Variants in LRRC7 observed in about 807,000 individuals in gnomAD.
LRRC7 encodes the protein leucine rich repeat containing 7.
A neutral mutation model predicts 175.7 loss-of-function variants in LRRC7; 23 were observed. The ratio of observed to expected loss-of-function variants is 0.13; its 90% CI spans 0.09 to 0.19. LRRC7 has a LOEUF of 0.19. Ranked by LOEUF, LRRC7 falls within the 10% of genes least tolerant of loss-of-function variation. LRRC7 has a pLI of 1.00. For synonymous variants in LRRC7, 685 were observed against 680.9 expected, an observed-to-expected ratio of 1.01 and a Z score of -0.09; for missense variants, 1,354 against 1,904.7, an observed-to-expected ratio of 0.71 and a Z score of 5.38.
rs112191329 is a variant in LRRC7, at chr1:69,891,738, G to GA, written c.648-39760dup. The stretch of plus-strand genomic sequence containing the variant: ...CAGAGTAAGACTTTGTCTCAAAAAC[G>GA]AAAAAAAAATCACTGATTATAAATA... On this transcript the variant is annotated intron_variant, in intron 7 of 26. Coordinates refer to ENST00000651989, the MANE Select transcript of LRRC7 (RefSeq NM_001370785.2). Among the ~76,000 whole-genome samples, 277 of 149,536 alleles carry GA rather than the reference G, an allele frequency of 1.9e-3. 3 individuals are homozygous for GA. Among genetic ancestry groups the GA allele is most frequent in the Middle Eastern group, 0.014 (4 of 290 alleles).
At chr1:69,633,518 T>A (rs1484566239) in intron 1 of LRRC7, among the ~76,000 whole-genome samples, 1 of 152,134 alleles carries the variant, frequency 6.6e-6, no homozygotes, top group Non-Finnish European at 1.5e-5. Context: ...AACCTCTGCC[T>A]CCCAGGTTCA....
intron 3 of LRRC7, among the ~76,000 whole-genome samples, chr1:69,770,401 G>T (rs1355911277): frequency 6.6e-6 from 1 of 152,046 alleles, no homozygotes; most frequent in African/African-American, 2.4e-5. Context: ...TATTTATTTT[G>T]TGTGAGGTCT....
chr1:69,829,308 TG>T (rs1480045117), intron 5 of LRRC7, among the ~76,000 whole-genome samples: 3 of 151,896 alleles, frequency 2.0e-5, no homozygotes, highest in African/African-American at 7.2e-5. Context: ...TATGAGTGTC[TG>T]GGTCTATTGT....
intron 7 of LRRC7, among the ~76,000 whole-genome samples, chr1:69,878,276 G>A (rs369901636): frequency 3.9e-3 from 486 of 123,444 alleles, no homozygotes; most frequent in Middle Eastern, 4.4e-3. Flanking sequence ...CCTTATCTTA[G>A]AAAAAAAAAA....
At chr1:70,042,478 AACAG>A (rs1659996142) in intron 21 of LRRC7, among the ~76,000 whole-genome samples, 2 of 152,246 alleles carry the variant, frequency 1.3e-5, no homozygotes, top group Non-Finnish European at 2.9e-5. Context: ...GGATAAGCAT[AACAG>A]TTCAACATAA....
At chr1:70,090,039 TA>T (rs1227487809) in intron 25 of LRRC7, among the ~76,000 whole-genome samples, 1 of 152,172 alleles carries the variant, frequency 6.6e-6, no homozygotes, top group Admixed American at 6.6e-5. Context: ...ACATTCTATT[TA>T]AAAGGCAGAG....
intron 1 of LRRC7, among the ~76,000 whole-genome samples, chr1:69,634,890 T>A (rs1653082451): frequency 6.6e-6 from 1 of 152,038 alleles, no homozygotes; most frequent in African/African-American, 2.4e-5. Flanking sequence ...AGCGGAAAAT[T>A]GAGAAGTGAG....
intron 7 of LRRC7, among the ~76,000 whole-genome samples, chr1:69,871,082 G>A (rs894410479): frequency 1.5e-5 from 2 of 136,664 alleles, no homozygotes; most frequent in South Asian, 2.6e-4. Context: ...TACCACAAAT[G>A]ATGCATAAAT....
intron 1 of LRRC7, among the ~76,000 whole-genome samples, chr1:69,583,301 TTTTTG>T (rs1392498709): frequency 3.0e-4 from 45 of 152,122 alleles, no homozygotes; most frequent in African/African-American, 1.1e-3. Context: ...ACAAATAAAT[TTTTTG>T]TTTTGTTAAT....
chr1:70,089,657 A>G, intron 24 of LRRC7, 70 bp from the exon 25 acceptor site: 1 of 1,050,312 alleles, frequency 9.5e-7, no homozygotes, highest in East Asian at 2.5e-5. Flanking sequence ...TTTTCTACTG[A>G]AATACAGTTA....
At chr1:69,693,228 G>T (rs1314454389) in intron 2 of LRRC7, among the ~76,000 whole-genome samples, 1 of 152,010 alleles carries the variant, frequency 6.6e-6, no homozygotes, top group Non-Finnish European at 1.5e-5. Context: ...TATAGATATA[G>T]ATGATATAGA....
rs565407421 is a variant in LRRC7 at position 69,918,164 on chromosome 1, C to T, written c.648-13343C>T. Among the ~76,000 whole-genome samples, 3 of 152,136 alleles carry T rather than the reference C, an allele frequency of 2.0e-5. No individual in the cohort carries two copies. In the East Asian group the frequency reaches 5.8e-4, roughly 29 times the overall value. ...CATTTAGAAAATAAGCCCTTCAGAGCAGAGGCTGTGTAGGATGTGCTAAAC... is the reference window on the plus strand; with the variant it reads ...CATTTAGAAAATAAGCCCTTCAGAGTAGAGGCTGTGTAGGATGTGCTAAAC... On this transcript the variant is annotated intron_variant, in intron 7 of 26. Transcript: ENST00000651989.
intron 1 of LRRC7, among the ~76,000 whole-genome samples, chr1:69,657,081 T>C (rs1176284752): frequency 1.3e-5 from 2 of 151,774 alleles, no homozygotes; most frequent in African/African-American, 4.8e-5. Flanking sequence ...CCACAGTCTG[T>C]TATAAACCCC....
At chr1:69,645,054 C>A (rs149156694) in intron 1 of LRRC7, among the ~76,000 whole-genome samples, 1 of 151,890 alleles carries the variant, frequency 6.6e-6, no homozygotes, top group Non-Finnish European at 1.5e-5. Context: ...AGATAGAGAA[C>A]AAAGCAAGAA....
intron 1 of LRRC7, among the ~76,000 whole-genome samples, chr1:69,649,362 A>G (rs927030114): frequency 3.9e-5 from 6 of 152,304 alleles, no homozygotes; most frequent in Admixed American, 2.0e-4. Context: ...AGAGAAAGCT[A>G]TGGGAAGTGA....
At chr1:69,671,796 T>G (rs1659117384) in intron 1 of LRRC7, among the ~76,000 whole-genome samples, 1 of 152,086 alleles carries the variant, frequency 6.6e-6, no homozygotes, top group Non-Finnish European at 1.5e-5. Flanking sequence ...AGCATTGAGT[T>G]CAATGCGATG....
intron 1 of LRRC7, among the ~76,000 whole-genome samples, chr1:69,619,182 A>ACGCT (rs1650163174): frequency 6.6e-6 from 1 of 152,102 alleles, no homozygotes. Flanking sequence ...CAGTTCTCAA[A>ACGCT]CGCTGGTCCA....
chr1:69,632,492 G>T (rs915916836), intron 1 of LRRC7, among the ~76,000 whole-genome samples: 9 of 152,008 alleles, frequency 5.9e-5, no homozygotes, highest in Non-Finnish European at 1.0e-4. Flanking sequence ...GAGAGATAAA[G>T]CCCACTTTAC....
At chr1:69,925,203 A>C (rs994290364) in intron 7 of LRRC7, among the ~76,000 whole-genome samples, 2 of 152,198 alleles carry the variant, frequency 1.3e-5, no homozygotes, top group African/African-American at 2.4e-5. Context: ...TCGGTTTGCC[A>C]GTATTTTATT....
Sources: gnomAD v4.1 joint callset for allele counts (sites outside exome capture counted in the v4.1 genomes callset) on GRCh38, gnomAD v4.1.1 for gene constraint, MANE v1.5 for transcripts, NCBI Gene and HGNC (gene_info 2026-07-23, HGNC 2026-07-21) for gene names.